The following PPP3CB variants were observed in gnomAD, a reference collection of about 807,000 sequenced individuals.
The protein encoded by PPP3CB is serine/threonine-protein phosphatase 2B catalytic subunit beta isoform.
A neutral mutation model predicts 66.4 loss-of-function variants in PPP3CB; 8 were observed. That is an observed-to-expected ratio of 0.12 (90% confidence interval 0.07 to 0.22). PPP3CB has a LOEUF of 0.22. Among genes scored for constraint, PPP3CB ranks in the 10% least tolerant of loss-of-function variants. The probability of loss-of-function intolerance (pLI) is 1.00; values close to 1 mark genes in which losing one functional copy is unlikely to be tolerated. For synonymous variants in PPP3CB, 208 were observed against 221.2 expected (o/e 0.94, Z 0.53); for missense variants, 319 against 642.5 (o/e 0.50, Z 5.44).
intron 1 of PPP3CB, among the ~76,000 whole-genome samples, chr10:73,483,052 C>A (rs2056908220): frequency 6.6e-6 from 1 of 152,206 alleles, no homozygotes; most frequent in African/African-American, 2.4e-5. Context: ...ACAAGTGGTA[C>A]TGCATGTTTT....
intron 10 of PPP3CB, among the ~76,000 whole-genome samples, chr10:73,448,418 A>C (rs1340959717): frequency 6.6e-6 from 1 of 152,214 alleles, no homozygotes; most frequent in Non-Finnish European, 1.5e-5. Context: ...AAATAAGCAA[A>C]AGAATGAAAT....
chr10:73,472,494 CAA>C (rs748895209), intron 4 of PPP3CB, among the ~76,000 whole-genome samples: 30 of 77,236 alleles, frequency 3.9e-4, no homozygotes, highest in Non-Finnish European at 4.3e-4. Context: ...GACTCTGTCT[CAA>C]AAAAAAAAAA....
chr10:73,468,606 G>A (rs1159468513), intron 8 of PPP3CB, among the ~76,000 whole-genome samples: 1 of 152,132 alleles, frequency 6.6e-6, no homozygotes, highest in Non-Finnish European at 1.5e-5. Context: ...ATGTCTTGTA[G>A]ATATAATTTT....
At chr10:73,483,226 A>G (rs1361453023) in intron 1 of PPP3CB, among the ~76,000 whole-genome samples, 1 of 152,270 alleles carries the variant, frequency 6.6e-6, no homozygotes, top group Non-Finnish European at 1.5e-5. Context: ...TTTCAAAACC[A>G]GCTGGGACAG....
At chr10:73,469,894 T>C (rs1483418536) in intron 8 of PPP3CB, among the ~76,000 whole-genome samples, 2 of 152,194 alleles carry the variant, frequency 1.3e-5, no homozygotes, top group African/African-American at 4.8e-5. Flanking sequence ...ATTCCAGACA[T>C]GTCAAGACAG....
intron 1 of PPP3CB, among the ~76,000 whole-genome samples, chr10:73,487,167 C>G (rs552898974): frequency 1.3e-5 from 2 of 152,084 alleles, no homozygotes; most frequent in South Asian, 4.1e-4. Context: ...GACTTTCTCT[C>G]AAAAGAAAAC....
At chr10:73,487,022 T>C (rs1259071732) in intron 1 of PPP3CB, among the ~76,000 whole-genome samples, 1 of 151,892 alleles carries the variant, frequency 6.6e-6, no homozygotes, top group African/African-American at 2.4e-5. Context: ...ATACAAAAAT[T>C]AGCTGGGCAT....
intron 1 of PPP3CB, among the ~76,000 whole-genome samples, chr10:73,492,625 T>G (rs2057097066): frequency 6.6e-6 from 1 of 152,182 alleles, no homozygotes; most frequent in Admixed American, 6.5e-5. Context: ...AGAATATAAT[T>G]AAAAGGGTAT....
At chr10:73,454,570 G>T in intron 9 of PPP3CB, 81 bp from the exon 10 acceptor site, 1 of 887,876 alleles carries the variant, frequency 1.1e-6, no homozygotes. Flanking sequence ...TTTTACAAAT[G>T]GTCAAATAAT....
intron 1 of PPP3CB, among the ~76,000 whole-genome samples, chr10:73,491,022 GTT>G (rs528238766): frequency 0.017 from 689 of 40,716 alleles, no homozygotes; most frequent in East Asian, 0.091. Flanking sequence ...TGTTTTTATT[GTT>G]TTTTTTTTTT....
chr10:73,467,821 G>T, intron 8 of PPP3CB, 143 bp from the exon 9 acceptor site: 1 of 654,886 alleles, frequency 1.5e-6, no homozygotes, highest in Admixed American at 3.6e-5. Context: ...GGTAGAGGGA[G>T]GAAGGAACTA....
Position 73,458,572 on chromosome 10 carries a change from C to T in PPP3CB, c.1109-4083G>A, listed in dbSNP as rs561183625. ...ACCCTAGCACCCTGGGAGGCCAAAG[C>T]GGGTAGACTGCTTGAGCTCAGGAGT... On this transcript the variant is annotated intron_variant, in intron 9 of 13. Transcript: ENST00000360663. 2.0e-4 allele frequency among the ~76,000 whole-genome samples: 30 copies of T among 151,726 alleles called. No individual in the cohort carries two copies. The South Asian group carries it at 5.0e-3, about 25-fold the overall frequency.
chr10:73,473,630 G>A (rs942350632), intron 4 of PPP3CB, among the ~76,000 whole-genome samples: 3 of 151,544 alleles, frequency 2.0e-5, no homozygotes, highest in South Asian at 2.1e-4. Context: ...CAGCCAGGGC[G>A]ACAGAGCGAG....
intron 10 of PPP3CB, among the ~76,000 whole-genome samples, chr10:73,450,689 T>C (rs563414008): frequency 4.6e-5 from 7 of 152,320 alleles, no homozygotes; most frequent in African/African-American, 1.7e-4. Flanking sequence ...ATAGAAACAT[T>C]GTCATAAATG....
intron 4 of PPP3CB, among the ~76,000 whole-genome samples, chr10:73,472,120 A>C (rs112264508): frequency 3.1e-4 from 47 of 152,362 alleles, no homozygotes; most frequent in African/African-American, 1.0e-3. Context: ...GTTATGTCTT[A>C]TGAAGCAAAA....
At chr10:73,467,324 G>T in intron 9 of PPP3CB, 1 of 279,708 alleles carries the variant, frequency 3.6e-6, no homozygotes, top group Non-Finnish European at 6.6e-6. Context: ...AAGACATTGG[G>T]CTATTTATAA....
chr10:73,446,458 T>C (rs897109185), intron 11 of PPP3CB, 34 bp downstream of exon 11: 1 of 1,583,022 alleles, frequency 6.3e-7, no homozygotes, highest in Non-Finnish European at 8.7e-7. Context: ...ACGTAATTTC[T>C]GCAAAACAAA....
intron 10 of PPP3CB, 74 bp from the exon 11 acceptor site, chr10:73,446,647 G>T (rs924118577): frequency 5.1e-6 from 7 of 1,375,816 alleles, no homozygotes; most frequent in Middle Eastern, 1.8e-4. Flanking sequence ...CTATTAGCCT[G>T]TTCCACACTC....
At chr10:73,461,706 T>C (rs2132873197) in intron 9 of PPP3CB, among the ~76,000 whole-genome samples, 1 of 152,318 alleles carries the variant, frequency 6.6e-6, no homozygotes, top group South Asian at 2.1e-4. Context: ...AGTTAAGACT[T>C]TGGGGAACCA....
Sources: gnomAD v4.1 joint callset for allele counts (sites outside exome capture counted in the v4.1 genomes callset) on GRCh38, gnomAD v4.1.1 for gene constraint, MANE v1.5 for transcripts, NCBI Gene and HGNC (gene_info 2026-07-23, HGNC 2026-07-21) for gene names.